DCAF6: variants seen among roughly 807,000 people sequenced by gnomAD.
DCAF6 encodes the protein DDB1- and CUL4-associated factor 6.
In DCAF6, 54 loss-of-function variants were observed where a neutral mutation model predicts 125.1. That is an observed-to-expected ratio of 0.43 (90% confidence interval 0.35 to 0.54). The LOEUF is 0.54. DCAF6 is among the 20% of genes least tolerant of loss of function. The pLI is 0.01. For missense variants in DCAF6, 934 were observed against 1,161.7 expected, an observed-to-expected ratio of 0.80 and a Z score of 2.85; for synonymous variants, 371 against 390.4, an observed-to-expected ratio of 0.95 and a Z score of 0.58.
At chr1:167,943,226 A>T (rs773617534) in intron 1 of DCAF6, among the ~76,000 whole-genome samples, 18 of 152,100 alleles carry the variant, frequency 1.2e-4, no homozygotes, top group Admixed American at 3.3e-4. Flanking sequence ...GGTCTTTTTT[A>T]AAAAAATTTA....
Position 167,977,148 on chromosome 1 carries a change from C to T in DCAF6, c.438+2133C>T, listed in dbSNP as rs569662546. Reference sequence around the variant, plus strand: ...CGAACTCCCGACCTCAGGTGATCTGCCTGCCTCTGCCTCTCAAAGCTCTGG... The same window carrying T: ...CGAACTCCCGACCTCAGGTGATCTGTCTGCCTCTGCCTCTCAAAGCTCTGG... On this transcript the variant is annotated intron_variant, in intron 4 of 21. Transcript: ENST00000367840. 4.0e-5 allele frequency among the ~76,000 whole-genome samples: 6 copies of T among 150,730 alleles called. No individual in the cohort carries two copies. The South Asian group carries it at 6.3e-4, about 16-fold the overall frequency.
chr1:167,947,023 A>G (rs1439291352), intron 1 of DCAF6, among the ~76,000 whole-genome samples: 1 of 152,022 alleles, frequency 6.6e-6, no homozygotes, highest in East Asian at 1.9e-4. Flanking sequence ...TTGTTGGGAG[A>G]TTGTAAAAAT....
chr1:167,958,204 C>T (rs771660414), intron 2 of DCAF6, among the ~76,000 whole-genome samples: 4 of 152,080 alleles, frequency 2.6e-5, no homozygotes, highest in Non-Finnish European at 5.9e-5. Context: ...ATTTAAGAAA[C>T]TTGCTTAATC....
the DCAF6 span, chr1:167,878,730 T>C: frequency 3.2e-6 from 4 of 1,249,050 alleles, no homozygotes; most frequent in Admixed American, 5.7e-5. Context: ...ATTTTTACCC[T>C]TTACTCCCTT....
At chr1:167,871,882 T>C in the DCAF6 span, among the ~76,000 whole-genome samples, 1 of 152,228 alleles carries the variant, frequency 6.6e-6, no homozygotes, top group South Asian at 2.1e-4. Context: ...GTGTTTTTCT[T>C]TGGCCTGAAT....
Position 167,991,351 on chromosome 1 carries a change from A to G in DCAF6, c.688+12A>G. 1 of 1,597,820 alleles carries G rather than the reference A, an allele frequency of 6.3e-7. No individual in the cohort carries two copies. Among genetic ancestry groups the G allele is most frequent in the Non-Finnish European group, 8.5e-7 (1 of 1,173,268 alleles). On this transcript the variant is annotated intron_variant, in intron 6 of 21. Transcript: ENST00000367840. ...CACAAGAGCTACAGGTAAGAAGATA[A>G]TATTAGAGAAAATATAGGACTGTCA...
chr1:167,867,578 G>A, the DCAF6 span, among the ~76,000 whole-genome samples: 3 of 152,114 alleles, frequency 2.0e-5, no homozygotes, highest in African/African-American at 7.2e-5. Context: ...CCAACCTGAT[G>A]TGTGTTATGA....
the DCAF6 span, among the ~76,000 whole-genome samples, chr1:167,897,337 A>G: frequency 1.3e-5 from 2 of 150,646 alleles, no homozygotes; most frequent in East Asian, 3.9e-4. Flanking sequence ...AAATACAAAA[A>G]AAAAAAAAAA....
intron 13 of DCAF6, among the ~76,000 whole-genome samples, chr1:168,040,946 T>C (rs750521609): frequency 6.6e-5 from 10 of 151,402 alleles, no homozygotes; most frequent in Non-Finnish European, 1.3e-4. Flanking sequence ...ACAGACTTTT[T>C]CATCTATATC....
intron 4 of DCAF6, among the ~76,000 whole-genome samples, chr1:167,987,046 G>T (rs1194554964): frequency 6.6e-6 from 1 of 152,100 alleles, no homozygotes. Context: ...TTTCTAAGAG[G>T]TGAGTTATGC....
intron 10 of DCAF6, among the ~76,000 whole-genome samples, chr1:168,006,666 G>T (rs371435176): frequency 2.0e-5 from 3 of 152,166 alleles, no homozygotes; most frequent in African/African-American, 7.2e-5. Flanking sequence ...TGTCCATTGG[G>T]TGAATGTAGT....
At position 167,974,973 on chromosome 1, in the gene DCAF6, C is replaced by T; in HGVS notation, c.396C>T (p.Asn132=). The T allele has an allele frequency of 5.0e-6, 8 of 1,605,080 alleles. No homozygotes were observed. Among genetic ancestry groups the T allele is most frequent in the Non-Finnish European group, 6.8e-6 (8 of 1,176,498 alleles). Residue 132 remains asparagine, a synonymous_variant, in exon 4 of 22, where the codon AAC becomes AAT. Transcript: ENST00000367840. ...YTNVEQDAET[N]RQCQFTCHYG... The stretch of plus-strand genomic sequence containing the variant: ...ACGTTGAGCAAGATGCAGAAACCAA[C>T]AGACAATGCCAATTTACGTGTCATT...
chr1:168,054,424 C>T lies in DCAF6; in HGVS notation c.2300+3491C>T, dbSNP rs541222722. ...CTATTAATCTATAAGTGAATTAATT[C>T]ATTCTTGAGAGTGGAGCCCTCATGA... On this transcript the variant is annotated intron_variant, in intron 17 of 21. Transcript: ENST00000367840. 3.3e-5 allele frequency among the ~76,000 whole-genome samples: 5 copies of T among 152,304 alleles called. No individual in the cohort carries two copies. The South Asian group carries it at 1.0e-3, about 32-fold the overall frequency.
At chr1:167,890,050 CCACCCT>C in the DCAF6 span, among the ~76,000 whole-genome samples, 1 of 151,970 alleles carries the variant, frequency 6.6e-6, no homozygotes, top group Non-Finnish European at 1.5e-5. Context: ...CTCTGTCTCT[CCACCCT>C]GGTGCCTTAT....
chr1:167,913,803 T>C, the DCAF6 span, among the ~76,000 whole-genome samples: 3,185 of 152,300 alleles, frequency 0.021, 59 homozygotes, highest in Middle Eastern at 0.061. Context: ...ATTTAAGCCT[T>C]CAAGCTTCTA....
At chr1:168,034,294 C>T (rs915809967) in intron 12 of DCAF6, among the ~76,000 whole-genome samples, 2 of 152,158 alleles carry the variant, frequency 1.3e-5, no homozygotes, top group Non-Finnish European at 2.9e-5. Context: ...GAAGCAGGAT[C>T]ACTTGAGGCC....
chr1:168,029,518 C>T (rs921575343), intron 12 of DCAF6, among the ~76,000 whole-genome samples: 1 of 152,180 alleles, frequency 6.6e-6, no homozygotes, highest in African/African-American at 2.4e-5. Flanking sequence ...ATAATAATAA[C>T]AGCAACAACA....
chr1:168,022,530 T>G (rs909092884), intron 11 of DCAF6, among the ~76,000 whole-genome samples: 1 of 152,220 alleles, frequency 6.6e-6, no homozygotes, highest in Non-Finnish European at 1.5e-5. Context: ...TGATGTTAGC[T>G]CCTTGTTCAG....
At chr1:167,937,291 G>GCCA in intron 1 of DCAF6, 1 of 464,412 alleles carries the variant, frequency 2.2e-6, no homozygotes, top group Admixed American at 3.8e-5. Flanking sequence ...CTGATGGGTT[G>GCCA]GGACTCGGGA....
Sources: gnomAD v4.1 joint callset for allele counts (sites outside exome capture counted in the v4.1 genomes callset) on GRCh38, gnomAD v4.1.1 for gene constraint, MANE v1.5 for transcripts, NCBI Gene and HGNC (gene_info 2026-07-23, HGNC 2026-07-21) for gene names.